The following TENM4 variants were observed in gnomAD, a reference collection of about 807,000 sequenced individuals.
TENM4 encodes the protein teneurin-4.
In TENM4, 82 loss-of-function variants were observed where a neutral mutation model predicts 243.3. The ratio of observed to expected loss-of-function variants is 0.34; its 90% confidence interval spans 0.28 to 0.40. The LOEUF (loss-of-function observed/expected upper bound fraction) is 0.40. Ranked by LOEUF, TENM4 falls within the 10% of genes least tolerant of loss-of-function variation. The pLI is 1.00. For missense variants in TENM4, 3,138 were observed against 3,673.3 expected (o/e 0.85, Z 3.77); for synonymous variants, 1,412 against 1,456.3 (o/e 0.97, Z 0.69).
intron 1 of TENM4, among the ~76,000 whole-genome samples, chr11:79,404,952 G>T (rs1858537046): frequency 6.6e-6 from 1 of 152,092 alleles, no homozygotes; most frequent in African/African-American, 2.4e-5. Context: ...CTGTGGATAT[G>T]GAAACTCCTA....
intron 2 of TENM4, among the ~76,000 whole-genome samples, chr11:79,268,542 T>TATA (rs1855917413): frequency 2.0e-5 from 3 of 152,194 alleles, no homozygotes; most frequent in African/African-American, 7.2e-5. Context: ...GACTACCTAT[T>TATA]CACAAAATTG....
At position 79,140,566 on chromosome 11, in the gene TENM4, G is replaced by A. The variant is rs557640508; in HGVS notation, c.-66+8144C>T. ...TAAAATCCCCACATTTCCCTTTTCTGGGCTGCTCTGCCTGGCAGAAACAGG... is the reference window on the plus strand; with the variant it reads ...TAAAATCCCCACATTTCCCTTTTCTAGGCTGCTCTGCCTGGCAGAAACAGG... On this transcript the variant is annotated intron_variant, in intron 4 of 33. Coordinates refer to ENST00000278550, the MANE Select transcript of TENM4 (RefSeq NM_001098816.3). Among the ~76,000 whole-genome samples, 185 of 152,120 alleles carry A rather than the reference G, an allele frequency of 1.2e-3. 3 individuals carry two copies. The highest frequency in any genetic ancestry group is 3.4e-3 in the Middle Eastern group (1 of 294).
chr11:79,030,985 A>C (rs1859219229), intron 6 of TENM4, among the ~76,000 whole-genome samples: 1 of 152,146 alleles, frequency 6.6e-6, no homozygotes, highest in Admixed American at 6.5e-5. Flanking sequence ...AGGACAGAGA[A>C]AGGAGACACG....
intron 7 of TENM4, among the ~76,000 whole-genome samples, chr11:78,894,454 G>T (rs1268428108): frequency 6.6e-6 from 1 of 152,146 alleles, no homozygotes; most frequent in African/African-American, 2.4e-5. Context: ...GAAAAACAGT[G>T]ATTCTGATTT....
chr11:78,711,190 C>T (rs566275136), intron 26 of TENM4, among the ~76,000 whole-genome samples: 1 of 152,298 alleles, frequency 6.6e-6, no homozygotes, highest in South Asian at 2.1e-4. Flanking sequence ...TTACCCCACA[C>T]AACTACCACC....
intron 2 of TENM4, among the ~76,000 whole-genome samples, chr11:79,253,192 AACAG>A (rs1855641863): frequency 6.6e-6 from 1 of 152,196 alleles, no homozygotes. Flanking sequence ...TTAATGGATG[AACAG>A]ACAAAGGAAT....
At chr11:79,056,249 C>T (rs940625062) in intron 6 of TENM4, among the ~76,000 whole-genome samples, 1 of 152,186 alleles carries the variant, frequency 6.6e-6, no homozygotes, top group East Asian at 1.9e-4. Context: ...TGCTGTACCT[C>T]TCTGCACACT....
chr11:78,920,721 A>AT (rs1856429469), intron 6 of TENM4, among the ~76,000 whole-genome samples: 1 of 152,200 alleles, frequency 6.6e-6, no homozygotes, highest in South Asian at 2.1e-4. Flanking sequence ...AAGATTATAT[A>AT]TATGTGTGTA....
At chr11:79,367,556 A>C (rs1857700771) in intron 1 of TENM4, among the ~76,000 whole-genome samples, 1 of 152,184 alleles carries the variant, frequency 6.6e-6, no homozygotes, top group East Asian at 1.9e-4. Flanking sequence ...AATTGCCATC[A>C]TTTTGTCCAT....
At chr11:78,696,810 CTA>C (rs1250326402) in intron 28 of TENM4, among the ~76,000 whole-genome samples, 5 of 152,170 alleles carry the variant, frequency 3.3e-5, no homozygotes, top group African/African-American at 9.7e-5. Context: ...TTCCAGCTAA[CTA>C]TGGTGGTGGC....
chr11:78,851,162 T>C (rs1858528537), intron 12 of TENM4, among the ~76,000 whole-genome samples: 1 of 152,236 alleles, frequency 6.6e-6, no homozygotes, highest in South Asian at 2.1e-4. Flanking sequence ...GCAGCTTCAG[T>C]ATCACTGGGT....
chr11:79,429,186 C>G (rs1015303087), intron 1 of TENM4, among the ~76,000 whole-genome samples: 4 of 152,300 alleles, frequency 2.6e-5, no homozygotes, highest in Admixed American at 2.6e-4. Flanking sequence ...TCTGCTGTCT[C>G]AATCTAGAGC....
rs1459944236 is a variant in TENM4 at position 78,702,615 on chromosome 11, T to C, written c.4210-212A>G. On this transcript the variant is annotated intron_variant, in intron 27 of 33. Transcript: ENST00000278550. ...CCACTGAGACATGTGATGGTCTCAT[T>C]AGACTGACAAAACATGAAGAAGGAG... Among the ~76,000 whole-genome samples the C allele has an allele frequency of 4.6e-5, 7 of 152,138 alleles. No individual in the cohort carries two copies. The East Asian group carries it at 1.3e-3, about 29-fold the overall frequency.
At chr11:79,102,431 A>T (rs1861256881) in intron 4 of TENM4, among the ~76,000 whole-genome samples, 1 of 152,214 alleles carries the variant, frequency 6.6e-6, no homozygotes, top group Non-Finnish European at 1.5e-5. Flanking sequence ...CACCCTTCGA[A>T]AAATATAAGA....
At chr11:79,008,278 G>A (rs74698414) in intron 6 of TENM4, among the ~76,000 whole-genome samples, 5 of 152,280 alleles carry the variant, frequency 3.3e-5, no homozygotes, top group African/African-American at 4.8e-5. Flanking sequence ...TGCCACCCCG[G>A]GTTTAACGGG....
intron 1 of TENM4, among the ~76,000 whole-genome samples, chr11:79,330,022 T>C (rs1408655962): frequency 1.3e-5 from 2 of 152,216 alleles, no homozygotes; most frequent in African/African-American, 4.8e-5. Context: ...TAAAGAGCAG[T>C]GGAGAGAGAT....
chr11:78,707,276 G>T (rs1481338774), intron 27 of TENM4, among the ~76,000 whole-genome samples: 1 of 152,214 alleles, frequency 6.6e-6, no homozygotes, highest in Non-Finnish European at 1.5e-5. Flanking sequence ...TTCAGCACAG[G>T]CCACTGATTC....
intron 33 of TENM4, among the ~76,000 whole-genome samples, chr11:78,659,707 G>A (rs552829244): frequency 4.6e-5 from 7 of 152,278 alleles, no homozygotes; most frequent in Admixed American, 6.5e-5. Flanking sequence ...CTGCCCCACC[G>A]TGCTTCCTTG....
intron 6 of TENM4, among the ~76,000 whole-genome samples, chr11:78,930,085 A>C (rs1196955955): frequency 1.3e-5 from 2 of 152,168 alleles, no homozygotes; most frequent in African/African-American, 4.8e-5. Flanking sequence ...TCCCCAAGGG[A>C]AAATGGTGCT....
Sources: allele counts gnomAD v4.1 joint callset (sites outside exome capture counted in the v4.1 genomes callset), GRCh38; gene constraint gnomAD v4.1.1; transcripts MANE v1.5; gene names NCBI Gene and HGNC (gene_info 2026-07-23, HGNC 2026-07-21).